GRM5: variants seen among roughly 807,000 people sequenced by gnomAD.
The protein encoded by GRM5 is metabotropic glutamate receptor 5.
A neutral mutation model predicts 83.1 loss-of-function variants in GRM5; 19 were observed. The ratio of observed to expected loss-of-function variants is 0.23; its 90% CI spans 0.16 to 0.34. The LOEUF is 0.34. GRM5 is among the 10% of genes least tolerant of loss of function. The pLI is 1.00. For synonymous variants in GRM5, 675 were observed against 633.6 expected (o/e 1.07, Z -0.98); for missense variants, 1,160 against 1,588.3 (o/e 0.73, Z 4.58).
At chr11:88,947,955 G>A (rs1265824990) in intron 2 of GRM5, among the ~76,000 whole-genome samples, 1 of 152,088 alleles carries the variant, frequency 6.6e-6, no homozygotes, top group African/African-American at 2.4e-5. Context: ...ATAGTGTAGC[G>A]GTTGGCTTTC....
rs139418984 is a variant in GRM5 at position 88,984,454 on chromosome 11, T to G, written c.661+62758A>C. On this transcript the variant is annotated intron_variant, in intron 2 of 9. Transcript: ENST00000305447. ...GTAGCGTAGGCTATCCCATCTAGGT[T>G]TATGTAAGTACACTCTATGATGTTC... Among the ~76,000 whole-genome samples the G allele has an allele frequency of 2.6e-3, 394 of 152,270 alleles. 2 individuals are homozygous for G. The highest frequency in any genetic ancestry group is 8.7e-3 in the African/African-American group (362 of 41,576).
chr11:88,569,736 C>G (rs537079930), intron 7 of GRM5, among the ~76,000 whole-genome samples: 2 of 152,198 alleles, frequency 1.3e-5, no homozygotes, highest in Non-Finnish European at 1.5e-5. Flanking sequence ...CATGGACCCC[C>G]CACTACCTGT....
chr11:88,975,169 T>C (rs892312897), intron 2 of GRM5, among the ~76,000 whole-genome samples: 11 of 152,300 alleles, frequency 7.2e-5, no homozygotes, highest in East Asian at 1.9e-4. Flanking sequence ...AGCTTGTGAA[T>C]AGATAAAATT....
chr11:88,521,279 T>C (rs947221645), intron 9 of GRM5, among the ~76,000 whole-genome samples: 3 of 152,038 alleles, frequency 2.0e-5, no homozygotes, highest in Admixed American at 6.6e-5. Context: ...TAGCCGGGCG[T>C]GGTGGCGGGC....
chr11:88,695,435 T>G (rs73531916), intron 3 of GRM5, among the ~76,000 whole-genome samples: 2,507 of 152,268 alleles, frequency 0.016, 74 homozygotes, highest in African/African-American at 0.058. Flanking sequence ...AAAGGTACAT[T>G]TCTACTTTGT....
chr11:88,520,437 C>A (rs1941649882), intron 9 of GRM5, among the ~76,000 whole-genome samples: 1 of 152,110 alleles, frequency 6.6e-6, no homozygotes, highest in Non-Finnish European at 1.5e-5. Flanking sequence ...CAGTTTACAT[C>A]TGTTATTATG....
At chr11:89,028,933 C>T (rs1013254180) in intron 2 of GRM5, among the ~76,000 whole-genome samples, 1 of 152,032 alleles carries the variant, frequency 6.6e-6, no homozygotes, top group African/African-American at 2.4e-5. Context: ...GCTATCCCTT[C>T]CCCAGTCCCC....
chr11:89,064,869 T>TCC, intron 1 of GRM5, among the ~76,000 whole-genome samples: 1 of 38,170 alleles, frequency 2.6e-5, no homozygotes, highest in African/African-American at 1.1e-4. Context: ...TCTCTCTCTC[T>TCC]CTCTCTCTCT....
At chr11:88,810,114 A>G (rs1036634454) in intron 3 of GRM5, among the ~76,000 whole-genome samples, 4 of 152,030 alleles carry the variant, frequency 2.6e-5, no homozygotes, top group Non-Finnish European at 5.9e-5. Flanking sequence ...GACTTTCATT[A>G]TTGGAGATTA....
chr11:88,670,568 ATATT>A (rs1203215088), intron 3 of GRM5, among the ~76,000 whole-genome samples: 1 of 151,918 alleles, frequency 6.6e-6, no homozygotes, highest in Non-Finnish European at 1.5e-5. Context: ...AAAACGACTC[ATATT>A]TAAAGTATAT....
chr11:88,897,066 G>C (rs985810706), intron 2 of GRM5, among the ~76,000 whole-genome samples: 1 of 151,836 alleles, frequency 6.6e-6, no homozygotes, highest in African/African-American at 2.4e-5. Flanking sequence ...TGAAACACAG[G>C]ATGAATCATC....
At chr11:88,746,195 T>C (rs1167049144) in intron 3 of GRM5, among the ~76,000 whole-genome samples, 1 of 152,134 alleles carries the variant, frequency 6.6e-6, no homozygotes, top group Non-Finnish European at 1.5e-5. Context: ...ACTCAGGTGT[T>C]GTCTCTCTAG....
intron 2 of GRM5, among the ~76,000 whole-genome samples, chr11:88,991,957 G>A (rs1939992198): frequency 6.6e-6 from 1 of 152,100 alleles, no homozygotes; most frequent in South Asian, 2.1e-4. Flanking sequence ...GCATGGGCAA[G>A]GACTTCATGT....
chr11:88,575,156 AG>A (rs1298908920), intron 7 of GRM5, among the ~76,000 whole-genome samples: 3 of 152,154 alleles, frequency 2.0e-5, no homozygotes, highest in African/African-American at 7.2e-5. Flanking sequence ...GTGTTAAGCA[AG>A]TTTTATTGGT....
At chr11:88,624,829 T>A (rs567643351) in intron 4 of GRM5, among the ~76,000 whole-genome samples, 7 of 152,326 alleles carry the variant, frequency 4.6e-5, no homozygotes, top group Non-Finnish European at 7.4e-5. Flanking sequence ...TCAGGATTTT[T>A]AAAAAATCCC....
intron 3 of GRM5, among the ~76,000 whole-genome samples, chr11:88,680,835 C>A (rs79687542): frequency 0.018 from 2,742 of 152,172 alleles, 89 homozygotes; most frequent in African/African-American, 0.062. Flanking sequence ...GTCTAAAAAG[C>A]CCTCTGAAAG....
At chr11:88,709,286 C>T (rs1183970515) in intron 3 of GRM5, among the ~76,000 whole-genome samples, 2 of 151,936 alleles carry the variant, frequency 1.3e-5, no homozygotes, top group Admixed American at 1.3e-4. Context: ...GCATTCTGTG[C>T]AGCAGCAGCA....
intron 2 of GRM5, among the ~76,000 whole-genome samples, chr11:88,871,948 GTCACAAAATTAA>G (rs1281703368): frequency 2.0e-5 from 3 of 151,092 alleles, no homozygotes; most frequent in Non-Finnish European, 4.4e-5. Flanking sequence ...CATACTGAAG[GTCACAAAATTAA>G]TAAATGTTAG....
intron 8 of GRM5, among the ~76,000 whole-genome samples, chr11:88,545,885 C>A (rs1338195543): frequency 6.6e-6 from 1 of 152,050 alleles, no homozygotes; most frequent in Non-Finnish European, 1.5e-5. Flanking sequence ...GGACAATATA[C>A]AAAATATATA....
Sources: gnomAD v4.1 joint callset for allele counts (sites outside exome capture counted in the v4.1 genomes callset) on GRCh38, gnomAD v4.1.1 for gene constraint, MANE v1.5 for transcripts, NCBI Gene and HGNC (gene_info 2026-07-23, HGNC 2026-07-21) for gene names.